GRIK1: variants seen among roughly 807,000 people sequenced by gnomAD.
The protein encoded by GRIK1 is glutamate receptor ionotropic, kainate 1.
In GRIK1, 69 loss-of-function variants were observed where a neutral mutation model predicts 105.7. That is an observed-to-expected ratio of 0.65 (90% CI 0.54 to 0.80). The LOEUF (loss-of-function observed/expected upper bound fraction) is 0.80. Among genes scored for constraint, GRIK1 ranks in the 30% least tolerant of loss-of-function variants. The pLI, the probability that GRIK1 is intolerant of heterozygous loss-of-function variation, is 0.00. For synonymous variants in GRIK1, 438 were observed against 431.3 expected (o/e 1.02, Z -0.19); for missense variants, 1,109 against 1,167.3 (o/e 0.95, Z 0.73).
intron 11 of GRIK1, 67 bp downstream of exon 11, chr21:29,588,772 A>G (rs2146283729): frequency 2.2e-6 from 2 of 890,230 alleles, no homozygotes; most frequent in Non-Finnish European, 1.8e-6. Context: ...TTCTTCTGAC[A>G]TCATTTTTTC....
intron 1 of GRIK1, among the ~76,000 whole-genome samples, chr21:29,821,239 A>C (rs1452495832): frequency 6.6e-6 from 1 of 152,064 alleles, no homozygotes; most frequent in Admixed American, 6.6e-5. Flanking sequence ...GAAGAAAACC[A>C]TGAGAAAAAT....
At chr21:29,718,196 A>T (rs998543707) in intron 1 of GRIK1, among the ~76,000 whole-genome samples, 3 of 152,212 alleles carry the variant, frequency 2.0e-5, no homozygotes, top group African/African-American at 7.2e-5. Context: ...TCATAGCAGC[A>T]TGATAATGGA....
chr21:29,786,057 C>T (rs951141854), intron 1 of GRIK1, among the ~76,000 whole-genome samples: 3 of 152,134 alleles, frequency 2.0e-5, no homozygotes, highest in South Asian at 2.1e-4. Context: ...TGGCGATCTC[C>T]GCTCACTGCA....
chr21:29,866,857 T>C (rs768051472), intron 1 of GRIK1, among the ~76,000 whole-genome samples: 1 of 151,740 alleles, frequency 6.6e-6, no homozygotes, highest in South Asian at 2.1e-4. Flanking sequence ...ATATATAGAG[T>C]AGAGAAAAAC....
At chr21:29,627,618 T>C (rs2062161899) in intron 7 of GRIK1, among the ~76,000 whole-genome samples, 1 of 152,192 alleles carries the variant, frequency 6.6e-6, no homozygotes, top group Admixed American at 6.5e-5. Flanking sequence ...CAGACTCAAT[T>C]CCTGTGCATT....
chr21:29,675,999 C>T (rs2063258720), intron 3 of GRIK1, among the ~76,000 whole-genome samples: 1 of 152,046 alleles, frequency 6.6e-6, no homozygotes, highest in South Asian at 2.1e-4. Flanking sequence ...ATTTCTAGAC[C>T]AGCACACAAT....
chr21:29,782,935 T>C lies in GRIK1; in HGVS notation c.119-88872A>G, dbSNP rs562431645. 8.5e-5 allele frequency among the ~76,000 whole-genome samples: 13 copies of C among 152,294 alleles called. No individual in the cohort carries two copies. The South Asian group carries it at 1.7e-3, about 19-fold the overall frequency. ...TTCACTTGATCATTTTTCATCTTGG[T>C]GTAAAATCGTAGGTGTGAAATTGTT... On this transcript the variant is annotated intron_variant, in intron 1 of 17. Coordinates refer to ENST00000327783, the MANE Select transcript of GRIK1 (RefSeq NM_001330994.2).
intron 1 of GRIK1, among the ~76,000 whole-genome samples, chr21:29,789,688 A>G (rs1190279168): frequency 1.3e-5 from 2 of 152,076 alleles, no homozygotes; most frequent in Non-Finnish European, 2.9e-5. Flanking sequence ...TAAAGTCTCT[A>G]TTTTCTTAAG....
chr21:29,900,128 G>A (rs1054996269), intron 1 of GRIK1, among the ~76,000 whole-genome samples: 4 of 150,550 alleles, frequency 2.7e-5, no homozygotes, highest in Non-Finnish European at 5.9e-5. Flanking sequence ...AGCTCCTGAA[G>A]GAAGCACTAA....
rs144642178 is a variant in GRIK1 at position 29,608,143 on chromosome 21, C to T, written c.1099-9206G>A. On this transcript the variant is annotated intron_variant, in intron 7 of 17. Coordinates refer to ENST00000327783, the MANE Select transcript of GRIK1 (RefSeq NM_001330994.2). ...ATTATTTCTATATGTTACAGAGAAA[C>T]TGTAACTTAGAGTCATGTTAATGAG... Among the ~76,000 whole-genome samples the T allele has an allele frequency of 7.9e-5, 12 of 152,120 alleles. No homozygotes were observed. In the East Asian group the frequency reaches 2.3e-3, roughly 29 times the overall value.
intron 16 of GRIK1, among the ~76,000 whole-genome samples, chr21:29,542,752 A>G (rs2089991805): frequency 6.6e-6 from 1 of 152,220 alleles, no homozygotes; most frequent in South Asian, 2.1e-4. Flanking sequence ...TATACCCTTG[A>G]GGATTTTTCT....
chr21:29,854,419 T>A (rs1318003012), intron 1 of GRIK1, among the ~76,000 whole-genome samples: 1 of 151,990 alleles, frequency 6.6e-6, no homozygotes, highest in Non-Finnish European at 1.5e-5. Flanking sequence ...CCAAATGATA[T>A]CAGGGAGTGA....
At chr21:29,777,987 A>G (rs1486516464) in intron 1 of GRIK1, among the ~76,000 whole-genome samples, 1 of 152,190 alleles carries the variant, frequency 6.6e-6, no homozygotes, top group Non-Finnish European at 1.5e-5. Context: ...AGGCTGTGGG[A>G]ACTGCAGCAG....
intron 1 of GRIK1, among the ~76,000 whole-genome samples, chr21:29,792,725 T>A (rs996464647): frequency 1.8e-4 from 28 of 152,228 alleles, no homozygotes; most frequent in African/African-American, 6.8e-4. Flanking sequence ...TGGTGTGGAC[T>A]CACTGCTAGG....
chr21:29,578,154 G>T (rs1178377332), intron 13 of GRIK1, among the ~76,000 whole-genome samples: 1 of 152,160 alleles, frequency 6.6e-6, no homozygotes, highest in Non-Finnish European at 1.5e-5. Flanking sequence ...ATTTTGGCTT[G>T]TTCATCTGCC....
At position 29,754,881 on chromosome 21, in the gene GRIK1, G is replaced by A. The variant is rs571792703; in HGVS notation, c.119-60818C>T. Among the ~76,000 whole-genome samples, 3 of 152,204 alleles carry A rather than the reference G, an allele frequency of 2.0e-5. No individual in the cohort carries two copies. The East Asian group carries it at 5.8e-4, about 29-fold the overall frequency. ...TCCATTCTCTCTTTTTTAATGGCCT[G>A]CCCTATCGATTTCAGACTTATCTAG... On this transcript the variant is annotated intron_variant, in intron 1 of 17. Transcript: ENST00000327783.
At chr21:29,762,411 G>C (rs1186285116) in intron 1 of GRIK1, among the ~76,000 whole-genome samples, 2 of 152,186 alleles carry the variant, frequency 1.3e-5, no homozygotes, top group African/African-American at 2.4e-5. Context: ...TAGGTTCACT[G>C]TCTCATTCTG....
chr21:29,639,016 C>A (rs562100696), intron 7 of GRIK1, among the ~76,000 whole-genome samples: 1 of 152,296 alleles, frequency 6.6e-6, no homozygotes, highest in African/African-American at 2.4e-5. Context: ...TCTGTGTTCC[C>A]AGCACCAGAG....
intron 1 of GRIK1, among the ~76,000 whole-genome samples, chr21:29,808,614 G>T (rs996774810): frequency 1.3e-5 from 2 of 152,158 alleles, no homozygotes; most frequent in African/African-American, 4.8e-5. Context: ...TCTTTTTGAA[G>T]TTCTAGCAGC....
Sources: gnomAD v4.1 joint callset for allele counts (sites outside exome capture counted in the v4.1 genomes callset) on GRCh38, gnomAD v4.1.1 for gene constraint, MANE v1.5 for transcripts, NCBI Gene and HGNC (gene_info 2026-07-23, HGNC 2026-07-21) for gene names.